Variants in CNTNAP2 observed in about 807,000 individuals in gnomAD.
The protein encoded by CNTNAP2 is contactin-associated protein-like 2.
CNTNAP2 carries 98 observed loss-of-function variants against 155.2 expected under a neutral mutation model. The ratio of observed to expected loss-of-function variants is 0.63; its 90% CI spans 0.54 to 0.75. The LOEUF (loss-of-function observed/expected upper bound fraction) is 0.75. CNTNAP2 is among the 30% of genes least tolerant of loss of function. The probability of loss-of-function intolerance (pLI) is 0.00; values close to 1 mark genes in which losing one functional copy is unlikely to be tolerated. For synonymous variants in CNTNAP2, 651 were observed against 631.2 expected, an observed-to-expected ratio of 1.03 and a Z score of -0.47; for missense variants, 1,727 against 1,688.1, an observed-to-expected ratio of 1.02 and a Z score of -0.40.
At chr7:147,738,484 A>G (rs1019618026) in intron 13 of CNTNAP2, among the ~76,000 whole-genome samples, 1 of 152,192 alleles carries the variant, frequency 6.6e-6, no homozygotes, top group Non-Finnish European at 1.5e-5. Flanking sequence ...AAGTCATCAA[A>G]ATAGAGGCAA....
chr7:146,907,242 G>A (rs1276923427), intron 3 of CNTNAP2, among the ~76,000 whole-genome samples: 1 of 149,282 alleles, frequency 6.7e-6, no homozygotes, highest in Non-Finnish European at 1.5e-5. Context: ...TATTATCCAG[G>A]AGAACTTCCC....
intron 1 of CNTNAP2, among the ~76,000 whole-genome samples, chr7:146,569,878 G>T (rs928324819): frequency 1.3e-5 from 2 of 152,154 alleles, no homozygotes; most frequent in Non-Finnish European, 1.5e-5. Context: ...TAATGAGATG[G>T]CCTCACAAGT....
intron 9 of CNTNAP2, among the ~76,000 whole-genome samples, chr7:147,321,272 C>G (rs536361981): frequency 1.3e-5 from 2 of 152,236 alleles, no homozygotes; most frequent in African/African-American, 4.8e-5. Flanking sequence ...AATCTGATCA[C>G]TGCAACAGTG....
intron 21 of CNTNAP2, among the ~76,000 whole-genome samples, chr7:148,283,401 A>G (rs1797024159): frequency 6.6e-6 from 1 of 152,156 alleles, no homozygotes; most frequent in Non-Finnish European, 1.5e-5. Context: ...TCTTATTTAT[A>G]TACAGTTGAT....
intron 10 of CNTNAP2, among the ~76,000 whole-genome samples, chr7:147,447,675 C>G (rs768917956): frequency 6.6e-6 from 1 of 152,166 alleles, no homozygotes; most frequent in Admixed American, 6.5e-5. Flanking sequence ...CTGCCTTGGG[C>G]TCCCAAAGTG....
intron 16 of CNTNAP2, 28 bp from the exon 17 acceptor site, chr7:148,147,463 A>G (rs1482609500): frequency 1.2e-6 from 2 of 1,602,224 alleles, no homozygotes; most frequent in East Asian, 4.5e-5. Context: ...AAAAATACTC[A>G]TGTTTTTCAT....
intron 15 of CNTNAP2, among the ~76,000 whole-genome samples, chr7:147,998,094 T>G (rs1690409320): frequency 1.4e-5 from 2 of 144,028 alleles, no homozygotes; most frequent in South Asian, 4.3e-4. Flanking sequence ...ACATGGTCAT[T>G]TCTTTTTTCT....
At chr7:148,025,328 G>T (rs1802356963) in intron 15 of CNTNAP2, among the ~76,000 whole-genome samples, 1 of 152,146 alleles carries the variant, frequency 6.6e-6, no homozygotes, top group Non-Finnish European at 1.5e-5. Context: ...AACCAGTCCT[G>T]TGACCTTCAT....
intron 20 of CNTNAP2, among the ~76,000 whole-genome samples, chr7:148,251,474 T>G (rs977432515): frequency 1.6e-4 from 25 of 151,872 alleles, no homozygotes; most frequent in African/African-American, 6.1e-4. Context: ...CAAAGTTTTT[T>G]TTAGAGGTTT....
chr7:147,192,785 T>C (rs1389985576), intron 8 of CNTNAP2, among the ~76,000 whole-genome samples: 1 of 152,214 alleles, frequency 6.6e-6, no homozygotes, highest in East Asian at 1.9e-4. Flanking sequence ...AGGAATTACA[T>C]GTTCGGATTG....
At chr7:146,370,547 T>A (rs1323464705) in intron 1 of CNTNAP2, among the ~76,000 whole-genome samples, 1 of 152,174 alleles carries the variant, frequency 6.6e-6, no homozygotes. Context: ...CGAGACTTTG[T>A]ATCATTTGTT....
intron 13 of CNTNAP2, among the ~76,000 whole-genome samples, chr7:147,725,056 G>A (rs115497055): frequency 6.1e-4 from 93 of 152,034 alleles, no homozygotes; most frequent in African/African-American, 2.2e-3. Context: ...ACATGGTGTT[G>A]GATTGTAGTC....
intron 6 of CNTNAP2, chr7:147,122,454 G>A (rs939023390): frequency 6.6e-6 from 1 of 152,204 alleles, no homozygotes; most frequent in African/African-American, 2.4e-5. Context: ...AAAAGTGAAA[G>A]TAGATTTTTA....
intron 1 of CNTNAP2, among the ~76,000 whole-genome samples, chr7:146,549,869 T>G (rs1798088689): frequency 6.6e-6 from 1 of 151,954 alleles, no homozygotes; most frequent in African/African-American, 2.4e-5. Flanking sequence ...TATATCAACC[T>G]CCCTGTCAAG....
intron 9 of CNTNAP2, among the ~76,000 whole-genome samples, chr7:147,318,820 TTAAAG>T (rs1312838247): frequency 1.3e-5 from 2 of 152,122 alleles, no homozygotes; most frequent in East Asian, 1.9e-4. Flanking sequence ...ATCCCAGAAC[TTAAAG>T]TAAAATTAAA....
chr7:146,671,382 C>G (rs1187550564), intron 1 of CNTNAP2, among the ~76,000 whole-genome samples: 2 of 151,802 alleles, frequency 1.3e-5, no homozygotes, highest in Non-Finnish European at 2.9e-5. Context: ...TATCCCACCT[C>G]TGTCTCTTTC....
chr7:147,598,271 C>T (rs1371148818), intron 12 of CNTNAP2, among the ~76,000 whole-genome samples: 3 of 151,732 alleles, frequency 2.0e-5, no homozygotes, highest in South Asian at 4.2e-4. Flanking sequence ...CCTATCAACT[C>T]GTCATCTAGG....
chr7:146,193,845 T>C (rs1270695925), intron 1 of CNTNAP2, among the ~76,000 whole-genome samples: 1 of 152,216 alleles, frequency 6.6e-6, no homozygotes, highest in Non-Finnish European at 1.5e-5. Context: ...CTGCTTCCTC[T>C]TAATCACTTT....
At chr7:147,560,220 T>C (rs1800036237) in intron 11 of CNTNAP2, among the ~76,000 whole-genome samples, 1 of 149,936 alleles carries the variant, frequency 6.7e-6, no homozygotes, top group Non-Finnish European at 1.5e-5. Flanking sequence ...CTCTATTCTT[T>C]GTCATATTGC....
Sources: gnomAD v4.1 joint callset for allele counts (sites outside exome capture counted in the v4.1 genomes callset) on GRCh38, gnomAD v4.1.1 for gene constraint, MANE v1.5 for transcripts, NCBI Gene and HGNC (gene_info 2026-07-23, HGNC 2026-07-21) for gene names.